Variants in INPP4B observed in about 807,000 individuals in gnomAD.
INPP4B encodes the protein inositol polyphosphate 4-phosphatase type II.
A neutral mutation model predicts 122.5 loss-of-function variants in INPP4B; 55 were observed. The ratio of observed to expected loss-of-function variants is 0.45; its 90% CI spans 0.36 to 0.56. INPP4B has a LOEUF of 0.56. Ranked by LOEUF, INPP4B falls within the 20% of genes least tolerant of loss-of-function variation. The pLI, the probability that INPP4B is intolerant of heterozygous loss-of-function variation, is 0.00. For synonymous variants in INPP4B, 403 were observed against 388.7 expected, an observed-to-expected ratio of 1.04 and a Z score of -0.43; for missense variants, 1,000 against 1,097.7, an observed-to-expected ratio of 0.91 and a Z score of 1.26.
chr4:142,665,995 A>G (rs1755982237), intron 2 of INPP4B, among the ~76,000 whole-genome samples: 1 of 152,210 alleles, frequency 6.6e-6, no homozygotes. Context: ...AGTTCCAACA[A>G]GATACTGTAA....
chr4:142,441,949 C>A (rs1426142916), intron 3 of INPP4B, among the ~76,000 whole-genome samples: 1 of 150,794 alleles, frequency 6.6e-6, no homozygotes, highest in Non-Finnish European at 1.5e-5. Context: ...CCAGGTGGTA[C>A]AATCCACTAT....
intron 2 of INPP4B, among the ~76,000 whole-genome samples, chr4:142,543,153 C>A (rs1251335877): frequency 6.6e-6 from 1 of 152,094 alleles, no homozygotes; most frequent in Non-Finnish European, 1.5e-5. Context: ...AATTAAAGCA[C>A]AATATTCTTA....
chr4:142,166,758 A>G (rs1449319371), intron 16 of INPP4B, among the ~76,000 whole-genome samples: 1 of 151,912 alleles, frequency 6.6e-6, no homozygotes, highest in Non-Finnish European at 1.5e-5. Flanking sequence ...CAAAAGAGAC[A>G]TTTATGTGGC....
At chr4:142,311,526 A>G (rs1765512325) in intron 8 of INPP4B, among the ~76,000 whole-genome samples, 1 of 152,188 alleles carries the variant, frequency 6.6e-6, no homozygotes, top group Non-Finnish European at 1.5e-5. Context: ...TACATAGTTC[A>G]TAGATTTGCT....
At chr4:142,433,231 C>A (rs1462522530) in intron 3 of INPP4B, among the ~76,000 whole-genome samples, 2 of 152,140 alleles carry the variant, frequency 1.3e-5, no homozygotes, top group African/African-American at 4.8e-5. Flanking sequence ...AGAGCATTTA[C>A]CTATGGTTAT....
intron 2 of INPP4B, among the ~76,000 whole-genome samples, chr4:142,601,054 T>A (rs1739782020): frequency 6.6e-6 from 1 of 152,046 alleles, no homozygotes; most frequent in South Asian, 2.1e-4. Context: ...ATAAAACAAA[T>A]CTTACCAGAT....
At chr4:142,752,680 T>C (rs1276224435) in intron 1 of INPP4B, among the ~76,000 whole-genome samples, 2 of 152,072 alleles carry the variant, frequency 1.3e-5, no homozygotes, top group Non-Finnish European at 2.9e-5. Flanking sequence ...TTACAGATCC[T>C]CTGTAATTCT....
chr4:142,656,771 C>T (rs1425134990), intron 2 of INPP4B, among the ~76,000 whole-genome samples: 1 of 152,216 alleles, frequency 6.6e-6, no homozygotes, highest in Non-Finnish European at 1.5e-5. Context: ...TTCTCTACCT[C>T]ATCAACAAGT....
chr4:142,578,970 G>C (rs1734432508), intron 2 of INPP4B, among the ~76,000 whole-genome samples: 1 of 151,960 alleles, frequency 6.6e-6, no homozygotes, highest in South Asian at 2.1e-4. Context: ...ACTAAAAAGT[G>C]AATATGTTTT....
At chr4:142,397,217 CTA>C (rs1799635776) in intron 7 of INPP4B, among the ~76,000 whole-genome samples, 1 of 152,166 alleles carries the variant, frequency 6.6e-6, no homozygotes, top group Non-Finnish European at 1.5e-5. Flanking sequence ...CCTTTGCAAA[CTA>C]TGTCACAATG....
At chr4:142,137,480 G>T (rs1805123134) in intron 18 of INPP4B, among the ~76,000 whole-genome samples, 2 of 66,834 alleles carry the variant, frequency 3.0e-5, no homozygotes, top group Non-Finnish European at 4.6e-5. Flanking sequence ...CATGGGCAAG[G>T]ACTTCATGTC....
intron 2 of INPP4B, among the ~76,000 whole-genome samples, chr4:142,696,425 G>C (rs568293771): frequency 2.0e-5 from 3 of 152,122 alleles, no homozygotes; most frequent in Non-Finnish European, 4.4e-5. Context: ...CTAGCTGAGG[G>C]GACAAAATAT....
intron 15 of INPP4B, among the ~76,000 whole-genome samples, chr4:142,189,285 A>T (rs1834676348): frequency 6.6e-6 from 1 of 152,132 alleles, no homozygotes; most frequent in Non-Finnish European, 1.5e-5. Context: ...TTGCATTATG[A>T]TTATTTGTGA....
chr4:142,030,811 A>T (rs1330640205), intron 25 of INPP4B, among the ~76,000 whole-genome samples: 2 of 152,164 alleles, frequency 1.3e-5, no homozygotes, highest in African/African-American at 4.8e-5. Flanking sequence ...GATTTATTGA[A>T]ATGGCACAAT....
chr4:142,629,257 G>T (rs926922187), intron 2 of INPP4B, among the ~76,000 whole-genome samples: 12 of 152,000 alleles, frequency 7.9e-5, no homozygotes, highest in Admixed American at 2.6e-4. Flanking sequence ...TGAATTCCTG[G>T]AAAACACCAG....
intron 2 of INPP4B, among the ~76,000 whole-genome samples, chr4:142,640,895 T>G (rs1243699688): frequency 2.0e-5 from 3 of 152,262 alleles, no homozygotes; most frequent in Non-Finnish European, 2.9e-5. Context: ...CTCAGCAGAT[T>G]GGCTAAAATT....
intron 2 of INPP4B, among the ~76,000 whole-genome samples, chr4:142,614,842 T>C (rs576606718): frequency 6.6e-6 from 1 of 152,242 alleles, no homozygotes; most frequent in East Asian, 1.9e-4. Context: ...CACAATGAGA[T>C]ACCATCTTAC....
chr4:142,333,232 T>A (rs1775373363), intron 7 of INPP4B, among the ~76,000 whole-genome samples: 2 of 152,128 alleles, frequency 1.3e-5, no homozygotes, highest in Admixed American at 6.5e-5. Context: ...GATTGTTGTA[T>A]CAGCAGCACT....
chr4:142,058,331 A>G (rs978854713), intron 25 of INPP4B, among the ~76,000 whole-genome samples: 1 of 152,156 alleles, frequency 6.6e-6, no homozygotes, highest in Non-Finnish European at 1.5e-5. Flanking sequence ...ATTGAGGACT[A>G]ATTCTGGTGT....
Sources: allele counts gnomAD v4.1 joint callset (sites outside exome capture counted in the v4.1 genomes callset), GRCh38; gene constraint gnomAD v4.1.1; transcripts MANE v1.5; gene names NCBI Gene and HGNC (gene_info 2026-07-23, HGNC 2026-07-21).